The following SMYD3 variants were observed in gnomAD, a reference collection of about 807,000 sequenced individuals.
SMYD3 encodes SET and MYND domain containing 3.
A neutral mutation model predicts 57.7 loss-of-function variants in SMYD3; 36 were observed. The ratio of observed to expected loss-of-function variants is 0.62; its 90% CI spans 0.48 to 0.82. SMYD3 has a LOEUF of 0.82. Ranked by LOEUF, SMYD3 falls within the 40% of genes least tolerant of loss-of-function variation. The probability of loss-of-function intolerance (pLI) is 0.00; values close to 1 mark genes in which losing one functional copy is unlikely to be tolerated. For synonymous variants in SMYD3, 211 were observed against 195.0 expected (o/e 1.08, Z -0.68); for missense variants, 515 against 538.8 (o/e 0.96, Z 0.44).
At chr1:246,134,818 AT>A (rs2061643154) in intron 5 of SMYD3, among the ~76,000 whole-genome samples, 1 of 150,846 alleles carries the variant, frequency 6.6e-6, no homozygotes, top group Non-Finnish European at 1.5e-5. Flanking sequence ...GCCGCTTTTA[AT>A]GACTCATTTT....
chr1:245,858,211 G>C (rs987713042), intron 10 of SMYD3, among the ~76,000 whole-genome samples: 1 of 152,156 alleles, frequency 6.6e-6, no homozygotes, highest in South Asian at 2.1e-4. Context: ...CACTGCAAGC[G>C]CCACATCGTA....
intron 8 of SMYD3, among the ~76,000 whole-genome samples, chr1:245,867,539 C>T (rs2051924317): frequency 6.6e-6 from 1 of 152,082 alleles, no homozygotes; most frequent in African/African-American, 2.4e-5. Flanking sequence ...AGTACCTAAC[C>T]AGGCACTGTT....
At chr1:245,915,880 G>A (rs2055375564) in intron 7 of SMYD3, among the ~76,000 whole-genome samples, 1 of 152,016 alleles carries the variant, frequency 6.6e-6, no homozygotes, top group Admixed American at 6.5e-5. Flanking sequence ...TTAAAGAACG[G>A]GTCTTATGAT....
intron 5 of SMYD3, among the ~76,000 whole-genome samples, chr1:245,953,618 A>C (rs558177795): frequency 6.6e-6 from 1 of 152,124 alleles, no homozygotes; most frequent in Non-Finnish European, 1.5e-5. Context: ...ACAGGGTTTC[A>C]CCATCTTGGC....
chr1:245,799,671 T>A (rs948663700), intron 10 of SMYD3, among the ~76,000 whole-genome samples: 1 of 152,256 alleles, frequency 6.6e-6, no homozygotes, highest in Non-Finnish European at 1.5e-5. Flanking sequence ...GTATTTTGGC[T>A]GCTGACGCTG....
At chr1:246,186,294 G>A (rs1365922191) in intron 5 of SMYD3, among the ~76,000 whole-genome samples, 1 of 152,148 alleles carries the variant, frequency 6.6e-6, no homozygotes, top group Non-Finnish European at 1.5e-5. Flanking sequence ...TGTAAAATGT[G>A]CAAAACTAGT....
chr1:246,077,363 A>G (rs2060565723), intron 5 of SMYD3, among the ~76,000 whole-genome samples: 1 of 152,232 alleles, frequency 6.6e-6, no homozygotes, highest in Non-Finnish European at 1.5e-5. Context: ...AACCTCAGGC[A>G]GACTGCAGTT....
intron 5 of SMYD3, among the ~76,000 whole-genome samples, chr1:246,204,366 C>T (rs2062965236): frequency 6.6e-6 from 1 of 152,210 alleles, no homozygotes; most frequent in Non-Finnish European, 1.5e-5. Flanking sequence ...CATATCTTAC[C>T]TGCCATGCTT....
intron 5 of SMYD3, among the ~76,000 whole-genome samples, chr1:245,937,164 G>A (rs375072472): frequency 1.3e-5 from 2 of 152,190 alleles, no homozygotes; most frequent in East Asian, 3.9e-4. Flanking sequence ...CCACAAATAA[G>A]TCTGCAGTGC....
At chr1:246,273,351 T>C (rs1004044172) in intron 5 of SMYD3, among the ~76,000 whole-genome samples, 25 of 151,506 alleles carry the variant, frequency 1.7e-4, no homozygotes, top group African/African-American at 5.6e-4. Flanking sequence ...GGTTTCACCA[T>C]GTTGGCCAGA....
At chr1:245,785,696 AGCAAGAGAGAGC>A (rs947195188) in intron 10 of SMYD3, among the ~76,000 whole-genome samples, 2 of 151,610 alleles carry the variant, frequency 1.3e-5, no homozygotes, top group African/African-American at 4.9e-5. Flanking sequence ...CAAGAGAGAG[AGCAAGAGAGAGC>A]GAGAGACAGG....
At chr1:245,828,754 T>C (rs1442227652) in intron 10 of SMYD3, among the ~76,000 whole-genome samples, 1 of 150,598 alleles carries the variant, frequency 6.6e-6, no homozygotes, top group Non-Finnish European at 1.5e-5. Context: ...CAGGCTGGAG[T>C]GCAGTGGCAT....
intron 5 of SMYD3, among the ~76,000 whole-genome samples, chr1:246,117,939 C>A (rs752980314): frequency 7.9e-5 from 12 of 152,078 alleles, no homozygotes; most frequent in Non-Finnish European, 1.2e-4. Context: ...ATAATAGTTA[C>A]AATATCACGA....
intron 1 of SMYD3, among the ~76,000 whole-genome samples, chr1:246,371,211 C>T (rs1414312039): frequency 6.6e-6 from 1 of 152,180 alleles, no homozygotes; most frequent in Non-Finnish European, 1.5e-5. Flanking sequence ...AAAGATTATA[C>T]ACTGCCTGTT....
At chr1:246,136,045 G>T (rs989182078) in intron 5 of SMYD3, among the ~76,000 whole-genome samples, 2 of 152,188 alleles carry the variant, frequency 1.3e-5, no homozygotes. Flanking sequence ...CTCACTGTTA[G>T]ATCAGAGAGT....
chr1:246,037,338 C>G (rs768070381), intron 5 of SMYD3, among the ~76,000 whole-genome samples: 45 of 152,166 alleles, frequency 3.0e-4, no homozygotes, highest in Non-Finnish European at 6.0e-4. Flanking sequence ...ATTTCAGTAT[C>G]ATATTCATTT....
intron 8 of SMYD3, among the ~76,000 whole-genome samples, chr1:245,890,102 T>C (rs892082754): frequency 1.3e-5 from 2 of 152,044 alleles, no homozygotes; most frequent in African/African-American, 4.8e-5. Flanking sequence ...ACGACTTAAA[T>C]TTAAGACCCT....
intron 5 of SMYD3, among the ~76,000 whole-genome samples, chr1:246,176,018 T>G (rs1445658466): frequency 2.0e-5 from 3 of 152,194 alleles, no homozygotes; most frequent in African/African-American, 7.2e-5. Flanking sequence ...GAAGAGATAT[T>G]TATTCAAAAG....
At chr1:246,256,587 TG>T (rs2063898871) in intron 5 of SMYD3, among the ~76,000 whole-genome samples, 1 of 152,228 alleles carries the variant, frequency 6.6e-6, no homozygotes, top group Non-Finnish European at 1.5e-5. Flanking sequence ...ATCTAGCTAA[TG>T]GTCTATCAAT....
Sources: allele counts gnomAD v4.1 joint callset (sites outside exome capture counted in the v4.1 genomes callset), GRCh38; gene constraint gnomAD v4.1.1; transcripts MANE v1.5; gene names NCBI Gene and HGNC (gene_info 2026-07-23, HGNC 2026-07-21).